ZNF804B: variants seen among roughly 807,000 people sequenced by gnomAD.
The protein encoded by ZNF804B is zinc finger 804B.
ZNF804B carries 80 observed loss-of-function variants against 101.4 expected under a neutral mutation model. That is an observed-to-expected ratio of 0.79 (90% CI 0.66 to 0.95). The LOEUF (loss-of-function observed/expected upper bound fraction) is 0.95. Ranked by LOEUF, ZNF804B falls within the 40% of genes least tolerant of loss-of-function variation. The pLI is 0.00. For synonymous variants in ZNF804B, 622 were observed against 558.8 expected (o/e 1.11, Z -1.59); for missense variants, 1,673 against 1,561.9 (o/e 1.07, Z -1.20).
chr7:88,991,370 A>T (rs748741228), intron 1 of ZNF804B, among the ~76,000 whole-genome samples: 2 of 152,140 alleles, frequency 1.3e-5, no homozygotes, highest in South Asian at 4.1e-4. Flanking sequence ...GTACACAACC[A>T]CTGCTGCTGA....
At chr7:89,064,758 C>T (rs2116287152) in intron 1 of ZNF804B, among the ~76,000 whole-genome samples, 1 of 152,232 alleles carries the variant, frequency 6.6e-6, no homozygotes, top group Middle Eastern at 3.4e-3. Context: ...ATCTCTCATC[C>T]TCCCTGAATG....
intron 1 of ZNF804B, among the ~76,000 whole-genome samples, chr7:88,858,757 A>G (rs1791607860): frequency 2.6e-5 from 4 of 152,202 alleles, no homozygotes; most frequent in African/African-American, 9.6e-5. Context: ...TTTAGCGTGG[A>G]TAAACATAGT....
intron 1 of ZNF804B, among the ~76,000 whole-genome samples, chr7:88,986,622 C>T (rs995387457): frequency 2.6e-5 from 4 of 152,106 alleles, no homozygotes; most frequent in African/African-American, 4.8e-5. Flanking sequence ...TTCCTGACCT[C>T]GTGCAATGCT....
At chr7:89,036,362 G>A (rs1158552213) in intron 1 of ZNF804B, among the ~76,000 whole-genome samples, 1 of 151,640 alleles carries the variant, frequency 6.6e-6, no homozygotes, top group Non-Finnish European at 1.5e-5. Context: ...CAGACAAAAT[G>A]CTTAATATTA....
intron 1 of ZNF804B, among the ~76,000 whole-genome samples, chr7:89,088,357 T>A (rs190480481): frequency 7.2e-4 from 110 of 152,116 alleles, no homozygotes; most frequent in Non-Finnish European, 1.2e-3. Context: ...GAGCTGAGAA[T>A]GAGATCTGGA....
chr7:89,297,078 A>G (rs1364443853), intron 2 of ZNF804B, among the ~76,000 whole-genome samples: 1 of 152,062 alleles, frequency 6.6e-6, no homozygotes, highest in Non-Finnish European at 1.5e-5. Context: ...TTTCATGAAT[A>G]CTAAATCATA....
intron 1 of ZNF804B, among the ~76,000 whole-genome samples, chr7:88,850,322 A>G (rs1401095888): frequency 1.3e-5 from 2 of 152,212 alleles, no homozygotes; most frequent in Admixed American, 1.3e-4. Context: ...CTGGTCATCC[A>G]GGGAATACAA....
At chr7:88,985,483 G>T (rs1793746633) in intron 1 of ZNF804B, among the ~76,000 whole-genome samples, 1 of 151,812 alleles carries the variant, frequency 6.6e-6, no homozygotes, top group Non-Finnish European at 1.5e-5. Flanking sequence ...AGAGTGTAAA[G>T]GGTGTGAAGG....
At chr7:89,131,438 A>G (rs1031797866) in intron 1 of ZNF804B, among the ~76,000 whole-genome samples, 1 of 151,984 alleles carries the variant, frequency 6.6e-6, no homozygotes, top group Non-Finnish European at 1.5e-5. Flanking sequence ...TTAAAACTAA[A>G]TAAGAAGAAA....
At chr7:89,182,705 A>C (rs575942965) in intron 1 of ZNF804B, among the ~76,000 whole-genome samples, 2 of 152,166 alleles carry the variant, frequency 1.3e-5, no homozygotes, top group Non-Finnish European at 2.9e-5. Flanking sequence ...GAAAATTATT[A>C]TTCTCTGGAA....
chr7:89,279,656 A>G (rs1419426648), intron 2 of ZNF804B, among the ~76,000 whole-genome samples: 2 of 152,128 alleles, frequency 1.3e-5, no homozygotes, highest in Admixed American at 1.3e-4. Flanking sequence ...GATTACGTTT[A>G]TTGATTTTCA....
intron 1 of ZNF804B, among the ~76,000 whole-genome samples, chr7:89,033,886 A>T (rs1005662637): frequency 6.6e-6 from 1 of 152,100 alleles, no homozygotes; most frequent in Non-Finnish European, 1.5e-5. Context: ...AAGATTAATT[A>T]TCTGATTAAA....
intron 1 of ZNF804B, among the ~76,000 whole-genome samples, chr7:89,016,615 TTTTCTCAGG>T (rs1015721806): frequency 5.3e-5 from 8 of 150,020 alleles, no homozygotes; most frequent in African/African-American, 2.0e-4. Flanking sequence ...CATTGCTTGT[TTTTCTCAGG>T]TTTGTCAAAG....
At chr7:89,123,210 G>A (rs545073420) in intron 1 of ZNF804B, among the ~76,000 whole-genome samples, 1 of 151,672 alleles carries the variant, frequency 6.6e-6, no homozygotes, top group South Asian at 2.1e-4. Flanking sequence ...TAGAAGGAAG[G>A]GAAGAAGGGA....
intron 1 of ZNF804B, among the ~76,000 whole-genome samples, chr7:88,900,843 G>GA (rs550467551): frequency 1.2e-4 from 18 of 147,622 alleles, no homozygotes; most frequent in South Asian, 6.4e-4. Flanking sequence ...TTGACCCACG[G>GA]AAAAAAAAAC....
chr7:88,915,733 CAG>C (rs1792622826), intron 1 of ZNF804B, among the ~76,000 whole-genome samples: 2 of 151,592 alleles, frequency 1.3e-5, no homozygotes, highest in Non-Finnish European at 3.0e-5. Context: ...ATATTGGAAA[CAG>C]GGAAGAATTG....
At chr7:89,322,399 A>C (rs561734826) in intron 2 of ZNF804B, among the ~76,000 whole-genome samples, 9 of 152,306 alleles carry the variant, frequency 5.9e-5, no homozygotes, top group African/African-American at 2.2e-4. Flanking sequence ...CTCTGACCAA[A>C]ATTGTATTAA....
intron 1 of ZNF804B, among the ~76,000 whole-genome samples, chr7:89,135,851 G>T (rs1790627083): frequency 2.0e-5 from 3 of 152,006 alleles, no homozygotes; most frequent in Admixed American, 2.0e-4. Flanking sequence ...TTCTATAAGA[G>T]AGAAGACAAG....
chr7:89,049,594 C>T (rs984303503), intron 1 of ZNF804B, among the ~76,000 whole-genome samples: 14 of 151,996 alleles, frequency 9.2e-5, no homozygotes, highest in South Asian at 2.1e-4. Context: ...CAGCTATTAC[C>T]GGAAAAGTCC....
Sources: allele counts gnomAD v4.1 joint callset (sites outside exome capture counted in the v4.1 genomes callset), GRCh38; gene constraint gnomAD v4.1.1; transcripts MANE v1.5; gene names NCBI Gene and HGNC (gene_info 2026-07-23, HGNC 2026-07-21).